TBX20: variants seen among roughly 807,000 people sequenced by gnomAD.
TBX20 encodes T-box transcription factor 20, also known as T-box transcription factor TBX20.
In TBX20, 8 loss-of-function variants were observed where a neutral mutation model predicts 42.9. The observed-to-expected ratio is 0.19, with a 90% CI of 0.11 to 0.34. TBX20 has a LOEUF of 0.34. TBX20 is among the 10% of genes least tolerant of loss of function. The pLI is 1.00. For missense variants in TBX20, 411 were observed against 566.0 expected (o/e 0.73, Z 2.78); for synonymous variants, 198 against 222.8 (o/e 0.89, Z 0.99).
At chr7:35,216,100 G>A (rs1161686685) in intron 6 of TBX20, among the ~76,000 whole-genome samples, 3 of 151,974 alleles carry the variant, frequency 2.0e-5, no homozygotes, top group Non-Finnish European at 2.9e-5. Flanking sequence ...CCACTACTAC[G>A]CTGCTGGCCC....
chr7:35,243,827 CG>C (rs1375580334), intron 4 of TBX20, among the ~76,000 whole-genome samples: 2 of 152,160 alleles, frequency 1.3e-5, no homozygotes, highest in African/African-American at 4.8e-5. Context: ...CCAGTAGAGT[CG>C]TGAGTTAAGT....
intron 6 of TBX20, among the ~76,000 whole-genome samples, chr7:35,227,687 G>A (rs1789798434): frequency 6.6e-6 from 1 of 152,050 alleles, no homozygotes; most frequent in South Asian, 2.1e-4. Context: ...GCATTTCTCA[G>A]AATGCAGCCC....
At chr7:35,205,771 G>C (rs1789389806) in intron 6 of TBX20, among the ~76,000 whole-genome samples, 1 of 151,980 alleles carries the variant, frequency 6.6e-6, no homozygotes, top group Non-Finnish European at 1.5e-5. Flanking sequence ...ATGCCTAAAA[G>C]GAAAATTAAC....
intron 5 of TBX20, among the ~76,000 whole-genome samples, chr7:35,237,000 C>G (rs886705779): frequency 2.0e-5 from 3 of 151,206 alleles, no homozygotes; most frequent in Non-Finnish European, 4.4e-5. Flanking sequence ...TTTTCATTAC[C>G]CATATTTTCA....
rs1048944782 is a variant in TBX20, at chr7:35,238,610, G to A, written c.813+2269C>T. On this transcript the variant is annotated intron_variant, in intron 5 of 7. Coordinates refer to ENST00000408931, the MANE Select transcript of TBX20 (RefSeq NM_001077653.2). ...ATGGAATGTTTTCGGAATCTTTTTG[G>A]AGCCTATGATATTTGCATTCCACGT... Among the ~76,000 whole-genome samples the A allele has an allele frequency of 3.9e-5, 6 of 152,224 alleles. No homozygotes were observed. In the South Asian group the frequency reaches 6.2e-4, roughly 16 times the overall value.
intron 6 of TBX20, among the ~76,000 whole-genome samples, chr7:35,221,932 T>C (rs1477837503): frequency 6.6e-6 from 1 of 152,200 alleles, no homozygotes. Flanking sequence ...AAGTCCCAGA[T>C]TATTTAAACA....
chr7:35,252,265 T>A (rs1490756259), intron 1 of TBX20, among the ~76,000 whole-genome samples: 4 of 152,226 alleles, frequency 2.6e-5, no homozygotes, highest in Admixed American at 2.6e-4. Flanking sequence ...TAGTTATATT[T>A]TTCTAAACAA....
chr7:35,214,173 C>T (rs1196922288), intron 6 of TBX20, among the ~76,000 whole-genome samples: 1 of 151,998 alleles, frequency 6.6e-6, no homozygotes, highest in Non-Finnish European at 1.5e-5. Context: ...ATATTTTATC[C>T]TCTTAGATTA....
chr7:35,249,226 C>T lies in TBX20; in HGVS notation c.381-385G>A, dbSNP rs552279990. Among the ~76,000 whole-genome samples the T allele has an allele frequency of 1.1e-4, 17 of 152,330 alleles. No individual in the cohort carries two copies. In the South Asian group the frequency reaches 2.7e-3, roughly 24 times the overall value. ...AGCTGACCCAGTCACACAACTCACC[C>T]GCATCCCAGCCAGAAAACTCTGCTC... On this transcript the variant is annotated intron_variant, in intron 2 of 7. Transcript: ENST00000408931. This position sits in a 1 kb window ranked among gnomAD's most constrained non-coding sequence, Gnocchi z 4.3.
chr7:35,203,642 G>A (rs1207920), intron 7 of TBX20, among the ~76,000 whole-genome samples: 43,245 of 152,128 alleles, frequency 0.28, 6,994 homozygotes, highest in East Asian at 0.58. Context: ...CTGATCAACA[G>A]TAGGCTATTA....
At chr7:35,241,705 A>G (rs1224037183) in intron 4 of TBX20, among the ~76,000 whole-genome samples, 2 of 152,222 alleles carry the variant, frequency 1.3e-5, no homozygotes, top group African/African-American at 4.8e-5. Flanking sequence ...TCTAACTTCT[A>G]GTTATTAAAC....
At chr7:35,213,273 A>C (rs2128710895) in intron 6 of TBX20, among the ~76,000 whole-genome samples, 1 of 152,278 alleles carries the variant, frequency 6.6e-6, no homozygotes, top group East Asian at 1.9e-4. Context: ...TCTCCAGGGG[A>C]ACTTCTAAAA....
In TBX20 at chr7:35,224,672, C is replaced by G. The variant is rs1439968622; in HGVS notation, c.890+6832G>C. On this transcript the variant is annotated intron_variant, in intron 6 of 7. Coordinates refer to ENST00000408931, the MANE Select transcript of TBX20 (RefSeq NM_001077653.2). ...GGGCCATAAGAGCGAAACTCTGTTT[C>G]CAAAAAAAAAAAATTCCAGGCAGGA... Among the ~76,000 whole-genome samples, 15 of 3,794 alleles carry G rather than the reference C, an allele frequency of 4.0e-3. 1 individual carries two copies. The Admixed American group carries it at 0.044, about 11-fold the overall frequency. The allele number at this position is 3,794 out of a possible 152,430, so 2.5% of individuals were successfully genotyped here. A position where few individuals can be genotyped will look rare whatever the true frequency, so the allele number is the denominator to read the frequency against.
chr7:35,225,871 G>T (rs1264160361), intron 6 of TBX20, among the ~76,000 whole-genome samples: 5 of 152,076 alleles, frequency 3.3e-5, no homozygotes, highest in Non-Finnish European at 7.3e-5. Flanking sequence ...ATTGGGATTT[G>T]CCATATCAGA....
intron 3 of TBX20, among the ~76,000 whole-genome samples, chr7:35,248,267 T>C (rs572945934): frequency 6.6e-6 from 1 of 152,192 alleles, no homozygotes; most frequent in East Asian, 1.9e-4. Context: ...TAAGCAACGA[T>C]TTTACTAAAA....
At chr7:35,238,674 T>C (rs901712761) in intron 5 of TBX20, among the ~76,000 whole-genome samples, 1 of 152,234 alleles carries the variant, frequency 6.6e-6, no homozygotes, top group African/African-American at 2.4e-5. Flanking sequence ...CTGGTTTCAG[T>C]GTTCCAGATT....
In TBX20 at chr7:35,249,887, C is replaced by T. The variant is rs1161829675; in HGVS notation, c.380+64G>A. 2 of 1,532,080 alleles carry T rather than the reference C, an allele frequency of 1.3e-6. No individual in the cohort carries two copies. Among genetic ancestry groups the T allele is most frequent in the Non-Finnish European group, 8.8e-7 (1 of 1,134,720 alleles). The allele number at this position is 1,532,080 out of a possible 1,614,324, so 94.9% of individuals were successfully genotyped here. A position where few individuals can be genotyped will look rare whatever the true frequency, so the allele number is the denominator to read the frequency against. ...CTCTCATCTAGTTCCTGGAAGCACCCTCAACTACCCAGGGAGTGTCCTGAC... is the reference window on the plus strand; with the variant it reads ...CTCTCATCTAGTTCCTGGAAGCACCTTCAACTACCCAGGGAGTGTCCTGAC... On this transcript the variant is annotated intron_variant, in intron 2 of 7. Coordinates refer to ENST00000408931, the MANE Select transcript of TBX20 (RefSeq NM_001077653.2). The surrounding 1 kb of genome is among the most constrained non-coding windows in gnomAD (Gnocchi z 4.3).
chr7:35,218,237 C>A (rs2128711685), intron 6 of TBX20, among the ~76,000 whole-genome samples: 1 of 152,252 alleles, frequency 6.6e-6, no homozygotes, highest in African/African-American at 2.4e-5. Context: ...ATTAGACAAT[C>A]TTGAAGATTT....
intron 7 of TBX20, among the ~76,000 whole-genome samples, chr7:35,203,669 A>T (rs1230897381): frequency 1.3e-5 from 2 of 152,208 alleles, no homozygotes; most frequent in Non-Finnish European, 2.9e-5. Flanking sequence ...AAGTTTTAGG[A>T]AGTGAAAAGT....
Sources: allele counts gnomAD v4.1 joint callset (sites outside exome capture counted in the v4.1 genomes callset), GRCh38; gene constraint gnomAD v4.1.1; non-coding constraint Gnocchi (gnomAD v3.1); transcripts MANE v1.5; gene names NCBI Gene and HGNC (gene_info 2026-07-23, HGNC 2026-07-21).